The following TSTD1 variants were observed in gnomAD, a reference collection of about 807,000 sequenced individuals.
TSTD1 encodes the protein thiosulfate sulfurtransferase like domain containing 1.
A neutral mutation model predicts 12.6 loss-of-function variants in TSTD1; 7 were observed. The observed-to-expected ratio is 0.55, with a 90% CI of 0.32 to 1.04. The LOEUF (loss-of-function observed/expected upper bound fraction) is 1.04, where lower values mean the gene tolerates loss of function less well. TSTD1 is among the 50% of genes least tolerant of loss of function. The pLI is 0.05. For missense variants in TSTD1, 156 were observed against 151.0 expected, an observed-to-expected ratio of 1.03 and a Z score of -0.17; for synonymous variants, 73 against 59.7, an observed-to-expected ratio of 1.22 and a Z score of -1.03.
At chr1:161,038,813 C>G (rs954746929) in intron 1 of TSTD1, 67 bp downstream of exon 1, 4 of 1,529,100 alleles carry the variant, frequency 2.6e-6, no homozygotes, top group Middle Eastern at 1.7e-4. Flanking sequence ...TCCGCCACCC[C>G]ACTCCCTGCC....
In TSTD1 at chr1:161,038,487, T is replaced by C. The variant is rs967295105; in HGVS notation, c.133+64A>G. ...CCATTCCATCCTAAATGAGGTCCCATTGGCAAAGAACCTCCTGAACGGTCT... is the reference window on the plus strand; with the variant it reads ...CCATTCCATCCTAAATGAGGTCCCACTGGCAAAGAACCTCCTGAACGGTCT... On this transcript the variant is annotated intron_variant, in intron 2 of 3. Transcript: ENST00000423014. 2.7e-6 allele frequency: 4 copies of C among 1,463,970 alleles called. No homozygotes were observed. In the African/African-American group the frequency reaches 4.3e-5, roughly 16 times the overall value. The allele number at this position is 1,463,970 out of a possible 1,614,324, so 90.7% of individuals were successfully genotyped here. A position where few individuals can be genotyped will look rare whatever the true frequency, so the allele number is the denominator to read the frequency against.
Position 161,038,052 on chromosome 1 carries a change from G to C in TSTD1, c.157C>G (p.Gln53Glu). 1 of 1,551,620 alleles carries C rather than the reference G, an allele frequency of 6.4e-7. No homozygotes were observed. The highest frequency in any genetic ancestry group is 8.7e-7 in the Non-Finnish European group (1 of 1,147,010). The change falls in exon 3 of 4, where the codon CAG becomes GAG. Residue 53 changes from glutamine (Q) to glutamate (E), a missense_variant. Coordinates refer to ENST00000423014, the MANE Select transcript of TSTD1 (RefSeq NM_001113207.2). The part of the protein sequence containing the change: ...IPVSELESAL[Q>E]MEPAAFQALY... ...GCCTGGAAGGCAGCTGGCTCCATCTGCAGAGCACTCTCCAACTCGGACACT... is the reference window on the plus strand; with the variant it reads ...GCCTGGAAGGCAGCTGGCTCCATCTCCAGAGCACTCTCCAACTCGGACACT...
intron 2 of TSTD1, 79 bp from the exon 3 acceptor site, chr1:161,038,154 T>C: frequency 6.9e-7 from 1 of 1,449,226 alleles, no homozygotes; most frequent in Non-Finnish European, 9.3e-7. Context: ...AAGGGCTGGG[T>C]CCTGGGGGCC....
intron 1 of TSTD1, 70 bp downstream of exon 1, chr1:161,038,810 C>T: frequency 6.5e-7 from 1 of 1,528,132 alleles, no homozygotes; most frequent in East Asian, 2.5e-5. Flanking sequence ...CGCTCCGCCA[C>T]CCCACTCCCT....
rs1351408058 is a variant in TSTD1 at position 161,038,923 on chromosome 1, G to T, written c.-34C>A. On this transcript the variant is annotated 5_prime_UTR_variant, in exon 1 of 4. Coordinates refer to ENST00000423014, the MANE Select transcript of TSTD1 (RefSeq NM_001113207.2). ...TAGCAACCGCGAGTCTCCGGAGTGC[G>T]GCCCTGGCCCGCCCTCTCGGCGCCT... 3 of 1,548,786 alleles carry T rather than the reference G, an allele frequency of 1.9e-6. No individual in the cohort carries two copies. The highest frequency in any genetic ancestry group is 2.0e-5 in the Admixed American group (1 of 50,936).
rs1227430177 is a variant in TSTD1 at position 161,038,045 on chromosome 1, TC to T, written c.163del (p.Glu55SerfsTer68). 1.3e-6 allele frequency: 2 copies of T among 1,551,532 alleles called. No homozygotes were observed. The highest frequency in any genetic ancestry group is 3.9e-5 in the Admixed American group (2 of 50,984). ...VSELESALQM[E>X]PAAFQALYSA... Reference sequence around the variant, plus strand: ...ATATAAAGCCTGGAAGGCAGCTGGCTCCATCTGCAGAGCACTCTCCAACTCG... The same window carrying T: ...ATATAAAGCCTGGAAGGCAGCTGGCTCATCTGCAGAGCACTCTCCAACTCG... On this transcript the variant is annotated frameshift_variant, in exon 3 of 4. Transcript: ENST00000423014. LOFTEE classifies it high-confidence loss of function.
rs1650292702 is a variant in TSTD1 at position 161,037,956 on chromosome 1, C to A, written c.253G>T (p.Gly85Cys). The change falls in exon 3 of 4, where the codon GGC becomes TGC. Residue 85 changes from glycine to cysteine, a missense_variant. Physicochemically the swap from Gly to Cys is radical, Grantham distance 159. Coordinates refer to ENST00000423014, the MANE Select transcript of TSTD1 (RefSeq NM_001113207.2). ...CGGGCCAGCTGCGTGGCCTGGAGGC[C>A]CCGCTTGCCCATCTGACAGAAGAAA... Reference protein sequence around the residue: ...LVFFCQMGKRGLQATQLARSL... With the variant: ...LVFFCQMGKRCLQATQLARSL... 6.4e-7 allele frequency: 1 copy of A among 1,551,812 alleles called. No homozygotes were observed. Among genetic ancestry groups the A allele is most frequent in the African/African-American group, 1.4e-5 (1 of 73,186 alleles).
intron 2 of TSTD1, chr1:161,038,338 G>C: frequency 1.4e-6 from 1 of 701,942 alleles, no homozygotes; most frequent in Non-Finnish European, 2.3e-6. Flanking sequence ...TCTCCTCTCC[G>C]CCTGCTGTCT....
chr1:161,038,931 C>A lies in TSTD1; in HGVS notation c.-42G>T, dbSNP rs1375173743. ...GCGAGTCTCCGGAGTGCGGCCCTGG[C>A]CCGCCCTCTCGGCGCCTGCAACATC... On this transcript the variant is annotated 5_prime_UTR_variant, in exon 1 of 4. Coordinates refer to ENST00000423014, the MANE Select transcript of TSTD1 (RefSeq NM_001113207.2). 6.5e-7 allele frequency: 1 copy of A among 1,548,314 alleles called. No individual in the cohort carries two copies. Among genetic ancestry groups the A allele is most frequent in the Admixed American group, 2.0e-5 (1 of 50,924 alleles).
chr1:161,038,196 C>T, intron 2 of TSTD1, 121 bp from the exon 3 acceptor site: 1 of 954,050 alleles, frequency 1.0e-6, no homozygotes, highest in African/African-American at 1.7e-5. Flanking sequence ...ATCCCCTACC[C>T]CCACCCCAAT....
At position 161,037,825 on chromosome 1, in the gene TSTD1, C is replaced by A; in HGVS notation, c.298G>T (p.Ala100Ser). 6.4e-7 allele frequency: 1 copy of A among 1,551,764 alleles called. No homozygotes were observed. Among genetic ancestry groups the A allele is most frequent in the South Asian group, 1.2e-5 (1 of 84,064 alleles). Residue 100 changes from alanine to serine, a missense_variant and splice_region_variant, in exon 4 of 4, where the codon GCT becomes TCT. Transcript: ENST00000423014. ...QLARSLGYTG[A>S]RNYAGAYREW... The stretch of plus-strand genomic sequence containing the variant: ...CTATAGGCTCCAGCGTAGTTGCGAG[C>A]CCTGTGGAGACAAAGAAGCGTGAGA...
At position 161,038,920 on chromosome 1, in the gene TSTD1, T is replaced by G. The variant is rs1307445387; in HGVS notation, c.-31A>C. 6.4e-7 allele frequency: 1 copy of G among 1,550,454 alleles called. No homozygotes were observed. The highest frequency in any genetic ancestry group is 8.7e-7 in the Non-Finnish European group (1 of 1,146,294). On this transcript the variant is annotated 5_prime_UTR_variant, in exon 1 of 4. Transcript: ENST00000423014. Reference sequence around the variant, plus strand: ...GCGTAGCAACCGCGAGTCTCCGGAGTGCGGCCCTGGCCCGCCCTCTCGGCG... The same window carrying G: ...GCGTAGCAACCGCGAGTCTCCGGAGGGCGGCCCTGGCCCGCCCTCTCGGCG...
Position 161,038,915 on chromosome 1 carries a change from C to G in TSTD1, c.-26G>C, listed in dbSNP as rs1194595857. ...GGTGCGCGTAGCAACCGCGAGTCTCCGGAGTGCGGCCCTGGCCCGCCCTCT... is the reference window on the plus strand; with the variant it reads ...GGTGCGCGTAGCAACCGCGAGTCTCGGGAGTGCGGCCCTGGCCCGCCCTCT... On this transcript the variant is annotated 5_prime_UTR_variant, in exon 1 of 4. Coordinates refer to ENST00000423014, the MANE Select transcript of TSTD1 (RefSeq NM_001113207.2). 1 of 1,550,714 alleles carries G rather than the reference C, an allele frequency of 6.4e-7. No individual in the cohort carries two copies. The highest frequency in any genetic ancestry group is 1.4e-5 in the African/African-American group (1 of 73,128).
rs1571042230 is a variant in TSTD1, at chr1:161,038,943, G to A, written c.-54C>T. On this transcript the variant is annotated 5_prime_UTR_variant, in exon 1 of 4. Transcript: ENST00000423014. Reference sequence around the variant, plus strand: ...AGTGCGGCCCTGGCCCGCCCTCTCGGCGCCTGCAACATCTCCCGTTCCCTC... The same window carrying A: ...AGTGCGGCCCTGGCCCGCCCTCTCGACGCCTGCAACATCTCCCGTTCCCTC... 1 of 1,547,448 alleles carries A rather than the reference G, an allele frequency of 6.5e-7. No individual in the cohort carries two copies. The highest frequency in any genetic ancestry group is 8.7e-7 in the Non-Finnish European group (1 of 1,143,778).
rs1190488201 is a variant in TSTD1, at chr1:161,038,083, A to G, written c.134-8T>C. 3 of 1,551,082 alleles carry G rather than the reference A, an allele frequency of 1.9e-6. No homozygotes were observed. In the Admixed American group the frequency reaches 5.9e-5, roughly 30 times the overall value. On this transcript the variant is annotated splice_region_variant and splice_polypyrimidine_tract_variant and intron_variant, in intron 2 of 3. Coordinates refer to ENST00000423014, the MANE Select transcript of TSTD1 (RefSeq NM_001113207.2). ...CACTCTCCAACTCGGACACTGGAGG[A>G]GTGGAGAGGGTAGAAGGGAAAGCCA...
intron 2 of TSTD1, 46 bp downstream of exon 2, chr1:161,038,505 A>C: frequency 6.7e-7 from 1 of 1,495,730 alleles, no homozygotes; most frequent in Non-Finnish European, 9.0e-7. Context: ...GAACCTCCTG[A>C]ACGGTCTCTA....
rs1020064463 is a variant in TSTD1, at chr1:161,038,453, G to C, written c.133+98C>G. On this transcript the variant is annotated intron_variant, in intron 2 of 3. Transcript: ENST00000423014. ...CGGGAATGCAGGACCCCCATAATCA[G>C]TGCCTTCCCCATTCCATCCTAAATG... 1.2e-5 allele frequency: 16 copies of C among 1,368,284 alleles called. No individual in the cohort carries two copies. In the African/African-American group the frequency reaches 2.2e-4, roughly 19 times the overall value. The allele number at this position is 1,368,284 out of a possible 1,614,324, so 84.8% of individuals were successfully genotyped here. A position where few individuals can be genotyped will look rare whatever the true frequency, so the allele number is the denominator to read the frequency against.
Position 161,037,916 on chromosome 1 carries a change from G to A in TSTD1, c.293C>T (p.Thr98Ile). The A allele has an allele frequency of 6.4e-7, 1 of 1,551,874 alleles. No individual in the cohort carries two copies. Among genetic ancestry groups the A allele is most frequent in the Non-Finnish European group, 8.7e-7 (1 of 1,147,026 alleles). Residue 98 changes from threonine (T) to isoleucine (I), a missense_variant, in exon 3 of 4, where the codon ACT becomes ATT. Transcript: ENST00000423014. ...TAGCAGCCACACCTCCCCGTACCCA[G>A]TGTATCCAAGACTCCGGGCCAGCTG... ...ATQLARSLGY[T>I]GARNYAGAYR...
At position 161,038,936 on chromosome 1, in the gene TSTD1, C is replaced by G; in HGVS notation, c.-47G>C. ...TCTCCGGAGTGCGGCCCTGGCCCGC[C>G]CTCTCGGCGCCTGCAACATCTCCCG... On this transcript the variant is annotated 5_prime_UTR_variant, in exon 1 of 4. Coordinates refer to ENST00000423014, the MANE Select transcript of TSTD1 (RefSeq NM_001113207.2). 6.5e-7 allele frequency: 1 copy of G among 1,547,778 alleles called. No homozygotes were observed. Among genetic ancestry groups the G allele is most frequent in the East Asian group, 2.5e-5 (1 of 40,776 alleles).
Sources: gnomAD v4.1 joint callset for allele counts on GRCh38, gnomAD v4.1.1 for gene constraint, MANE v1.5 for transcripts, NCBI Gene and HGNC (gene_info 2026-07-23, HGNC 2026-07-21) for gene names.